NUP133: variants seen among roughly 807,000 people sequenced by gnomAD.
The protein encoded by NUP133 is nuclear pore complex protein Nup133.
In NUP133, 66 loss-of-function variants were observed where a neutral mutation model predicts 146.2. That is an observed-to-expected ratio of 0.45 (90% confidence interval 0.37 to 0.55). The LOEUF (loss-of-function observed/expected upper bound fraction) is 0.55. Ranked by LOEUF, NUP133 falls within the 20% of genes least tolerant of loss-of-function variation. NUP133 has a pLI of 0.00. For synonymous variants in NUP133, 521 were observed against 498.8 expected (o/e 1.04, Z -0.59); for missense variants, 1,277 against 1,374.8 (o/e 0.93, Z 1.12).
intron 11 of NUP133, among the ~76,000 whole-genome samples, chr1:229,485,133 T>C (rs570328660): frequency 6.6e-6 from 1 of 152,302 alleles, no homozygotes; most frequent in East Asian, 1.9e-4. Context: ...TACCTGGCTA[T>C]TCCTCTCAAA....
intron 2 of NUP133, among the ~76,000 whole-genome samples, chr1:229,503,472 G>A (rs1661856330): frequency 6.6e-6 from 1 of 152,162 alleles, no homozygotes. Flanking sequence ...GAGACAAAGA[G>A]TTACGTTCTC....
At chr1:229,451,759 G>A (rs1660455490) in intron 22 of NUP133, among the ~76,000 whole-genome samples, 1 of 151,970 alleles carries the variant, frequency 6.6e-6, no homozygotes, top group Non-Finnish European at 1.5e-5. Flanking sequence ...TTATTTTGTT[G>A]TTCTTGAACA....
chr1:229,493,481 C>T (rs1661573821), intron 8 of NUP133, among the ~76,000 whole-genome samples: 1 of 152,174 alleles, frequency 6.6e-6, no homozygotes, highest in South Asian at 2.1e-4. Flanking sequence ...AGCCCAGCTA[C>T]TCACTGAAAT....
chr1:229,484,848 T>G (rs963891496), intron 11 of NUP133, among the ~76,000 whole-genome samples: 1 of 152,108 alleles, frequency 6.6e-6, no homozygotes, highest in African/African-American at 2.4e-5. Flanking sequence ...TATTTTGTAC[T>G]TTGTATAATT....
rs1660271652 is a variant in NUP133 at position 229,444,952 on chromosome 1, C to T, written c.3296G>A (p.Ser1099Asn). ...KDDPIEVSKD[S>N]IFVKILQKLL... is the part of the protein sequence containing the mutation. ...TTTCTGTAAGATCTTCACAAATATA[C>T]TGTCTTTAGATACTTCAATTGGATC... The change falls in exon 25 of 26, where the codon AGT becomes AAT. Residue 1099 changes from serine to asparagine, a missense_variant. This residue lies in a region of NUP133 where 952 missense variants were observed against 1,047.0 expected (regional missense o/e 0.91). Transcript: ENST00000261396. The T allele has an allele frequency of 6.2e-7, 1 of 1,612,198 alleles. No individual in the cohort carries two copies. The highest frequency in any genetic ancestry group is 8.5e-7 in the Non-Finnish European group (1 of 1,178,896).
At chr1:229,449,443 T>C (rs372163358) in intron 23 of NUP133, among the ~76,000 whole-genome samples, 4 of 150,928 alleles carry the variant, frequency 2.7e-5, no homozygotes, top group Admixed American at 6.6e-5. Flanking sequence ...TCTCAGCTCA[T>C]GGCAACCTCT....
Position 229,441,859 on chromosome 1 carries a change from C to G in NUP133, c.*45G>C, listed in dbSNP as rs1334272977. ...TTATGGCCTAAAATTTGTATAAGGA[C>G]ACACTTATACAGATTTCATAAACAA... On this transcript the variant is annotated 3_prime_UTR_variant, in exon 26 of 26. Coordinates refer to ENST00000261396, the MANE Select transcript of NUP133 (RefSeq NM_018230.3). 1 of 1,452,528 alleles carries G rather than the reference C, an allele frequency of 6.9e-7. No individual in the cohort carries two copies. The allele number at this position is 1,452,528 out of a possible 1,614,324, so 90.0% of individuals were successfully genotyped here. A position where few individuals can be genotyped will look rare whatever the true frequency, so the allele number is the denominator to read the frequency against.
intron 12 of NUP133, among the ~76,000 whole-genome samples, chr1:229,480,497 C>T (rs1441812350): frequency 2.0e-5 from 3 of 151,964 alleles, no homozygotes; most frequent in Admixed American, 6.6e-5. Context: ...AAAATGAAAA[C>T]CAAAATAACA....
chr1:229,463,155 G>C (rs1558093623), intron 19 of NUP133, among the ~76,000 whole-genome samples: 1 of 152,204 alleles, frequency 6.6e-6, no homozygotes, highest in Non-Finnish European at 1.5e-5. Flanking sequence ...TTGGGAGGCT[G>C]AAGCAGGAGG....
chr1:229,441,897 G>T lies in NUP133; in HGVS notation c.*7C>A, dbSNP rs368526058. 6.4e-7 allele frequency: 1 copy of T among 1,554,570 alleles called. No individual in the cohort carries two copies. Among genetic ancestry groups the T allele is most frequent in the Non-Finnish European group, 8.6e-7 (1 of 1,157,440 alleles). ...ATTTCATAAACAATGGCCATTTTTA[G>T]AAAAAGTTATATTTGTCCCTGAACA... On this transcript the variant is annotated 3_prime_UTR_variant, in exon 26 of 26. Coordinates refer to ENST00000261396, the MANE Select transcript of NUP133 (RefSeq NM_018230.3).
rs373988302 is a variant in NUP133, at chr1:229,485,236, A to G, written c.1501-1091T>C. ...ACAAAGGAAGATAGAAAGCAGAAGG[A>G]ATGGGAAATGGCCCCGCTGACAGGA... On this transcript the variant is annotated intron_variant, in intron 11 of 25. Coordinates refer to ENST00000261396, the MANE Select transcript of NUP133 (RefSeq NM_018230.3). 1.4e-3 allele frequency among the ~76,000 whole-genome samples: 216 copies of G among 152,310 alleles called. 1 individual carries two copies. The highest frequency in any genetic ancestry group is 4.9e-3 in the African/African-American group (203 of 41,562).
chr1:229,453,250 A>G (rs1160100287), intron 21 of NUP133, among the ~76,000 whole-genome samples: 1 of 150,596 alleles, frequency 6.6e-6, no homozygotes, highest in Non-Finnish European at 1.5e-5. Flanking sequence ...CAGCTTCACA[A>G]ATTTCCATTT....
chr1:229,489,933 A>G, intron 9 of NUP133, 22 bp downstream of exon 9: 1 of 1,543,274 alleles, frequency 6.5e-7, no homozygotes. Flanking sequence ...TTGCTTTGTA[A>G]TTTAACCAAT....
chr1:229,507,830 G>C (rs1233242767), intron 1 of NUP133: 1 of 783,016 alleles, frequency 1.3e-6, no homozygotes, highest in African/African-American at 1.9e-5. Context: ...AATCCAGTTT[G>C]TACTTCACTT....
chr1:229,499,623 A>G (rs1661746908), intron 5 of NUP133, 61 bp downstream of exon 5: 1 of 1,540,678 alleles, frequency 6.5e-7, no homozygotes, highest in African/African-American at 1.4e-5. Flanking sequence ...TAAAAACAAA[A>G]ATTTATTTCC....
At chr1:229,472,699 T>C (rs1252119389) in intron 14 of NUP133, among the ~76,000 whole-genome samples, 1 of 131,920 alleles carries the variant, frequency 7.6e-6, no homozygotes, top group Non-Finnish European at 1.5e-5. Context: ...ATTAAAAAAC[T>C]AAATATACAT....
intron 25 of NUP133, among the ~76,000 whole-genome samples, chr1:229,443,323 A>T (rs1415018909): frequency 6.6e-6 from 1 of 151,834 alleles, no homozygotes; most frequent in African/African-American, 2.4e-5. Context: ...TACAGGCGTG[A>T]GCTACCGTGC....
chr1:229,507,676 C>G lies in NUP133; in HGVS notation c.182+392G>C, dbSNP rs145155959. ...TGTAGGTCCTCATTATCACCATCACCTTACATCTGCATCGTGGCAATTCAT... is the reference window on the plus strand; with the variant it reads ...TGTAGGTCCTCATTATCACCATCACGTTACATCTGCATCGTGGCAATTCAT... On this transcript the variant is annotated intron_variant, in intron 1 of 25. Coordinates refer to ENST00000261396, the MANE Select transcript of NUP133 (RefSeq NM_018230.3). 1.2e-4 allele frequency among the ~76,000 whole-genome samples: 18 copies of G among 152,306 alleles called. No individual in the cohort carries two copies. In the East Asian group the frequency reaches 2.3e-3, roughly 20 times the overall value.
chr1:229,446,273 G>C (rs1027970353), intron 24 of NUP133, among the ~76,000 whole-genome samples: 4 of 152,130 alleles, frequency 2.6e-5, no homozygotes, highest in Non-Finnish European at 5.9e-5. Context: ...GCTGGGCGTG[G>C]TGGCGCATGC....
Sources: allele counts gnomAD v4.1 joint callset (sites outside exome capture counted in the v4.1 genomes callset), GRCh38; gene constraint gnomAD v4.1.1; regional missense constraint gnomAD v4.1.1; transcripts MANE v1.5; gene names NCBI Gene and HGNC (gene_info 2026-07-23, HGNC 2026-07-21).